Variants in CHMP7 observed in about 807,000 individuals in gnomAD.
The protein encoded by CHMP7 is CHMP family, member 7.
CHMP7 carries 15 observed loss-of-function variants against 53.7 expected under a neutral mutation model. The observed-to-expected ratio is 0.28, with a 90% confidence interval of 0.19 to 0.43. The LOEUF (loss-of-function observed/expected upper bound fraction) is 0.43. Among genes scored for constraint, CHMP7 ranks in the 20% least tolerant of loss-of-function variants. The probability of loss-of-function intolerance (pLI) is 1.00; values close to 1 mark genes in which losing one functional copy is unlikely to be tolerated. For synonymous variants in CHMP7, 261 were observed against 228.0 expected, an observed-to-expected ratio of 1.14 and a Z score of -1.30; for missense variants, 527 against 569.4, an observed-to-expected ratio of 0.93 and a Z score of 0.76.
At chr8:23,260,110 GT>G in intron 9 of CHMP7, 33 bp from the exon 10 acceptor site, 1 of 1,573,306 alleles carries the variant, frequency 6.4e-7, no homozygotes, top group Non-Finnish European at 8.7e-7. Flanking sequence ...TCTCCCTTGA[GT>G]TTATGCATCT....
In CHMP7 at chr8:23,260,608, AGTGAAGGACCCTCAT is replaced by A. The variant is rs1802348296; in HGVS notation, c.*12_*26del. The A allele has an allele frequency of 6.2e-7, 1 of 1,610,040 alleles. No homozygotes were observed. The highest frequency in any genetic ancestry group is 2.2e-5 in the East Asian group (1 of 44,868). On this transcript the variant is annotated 3_prime_UTR_variant, in exon 11 of 11. Coordinates refer to ENST00000397677, the MANE Select transcript of CHMP7 (RefSeq NM_152272.5). ...CTCTAAAGCCATTGTAGGACCCTCA[AGTGAAGGACCCTCAT>A]GTAAAAGAGAGACCAGGCTTGCTGG... is the stretch of plus-strand genomic sequence containing the variant.
Position 23,249,373 on chromosome 8 carries a change from C to T in CHMP7, c.463C>T (p.Leu155=), listed in dbSNP as rs746336236. 6.2e-7 allele frequency: 1 copy of T among 1,600,570 alleles called. No homozygotes were observed. Among genetic ancestry groups the T allele is most frequent in the African/African-American group, 1.3e-5 (1 of 74,446 alleles). ...TGAGGAGGTCCTTGTCGCTGTGGAG[C>T]TGTTGAAGGTGGGTACTCAGAAGGG... ...PAEEVLVAVE[L]LKEKAEEVYR... The change falls in exon 3 of 11, where the codon CTG becomes TTG. Residue 155 remains leucine, a synonymous_variant. Transcript: ENST00000397677.
At position 23,258,453 on chromosome 8, in the gene CHMP7, G is replaced by A. The variant is rs1217948518; in HGVS notation, c.960+4G>A. On this transcript the variant is annotated splice_donor_region_variant and intron_variant, in intron 7 of 10. Transcript: ENST00000397677. Reference sequence around the variant, plus strand: ...TGCCTCCCAGACAGATCAGATGGTAGTCACTCCCCTCTACTCCAGCACTTG... The same window carrying A: ...TGCCTCCCAGACAGATCAGATGGTAATCACTCCCCTCTACTCCAGCACTTG... The A allele has an allele frequency of 6.2e-7, 1 of 1,614,038 alleles. No individual in the cohort carries two copies. The highest frequency in any genetic ancestry group is 1.1e-5 in the South Asian group (1 of 91,074).
At chr8:23,252,916 G>A (rs143669903) in intron 3 of CHMP7, among the ~76,000 whole-genome samples, 3 of 152,282 alleles carry the variant, frequency 2.0e-5, no homozygotes, top group African/African-American at 7.2e-5. Context: ...TGCATATCTG[G>A]TAGGGCAGTC....
Position 23,246,437 on chromosome 8 carries a change from CA to C in CHMP7, c.-258del. 1 of 527,710 alleles carries C rather than the reference CA, an allele frequency of 1.9e-6. No individual in the cohort carries two copies. The allele number at this position is 527,710 out of a possible 1,614,324, so 32.7% of individuals were successfully genotyped here. On this transcript the variant is annotated 5_prime_UTR_variant, in exon 2 of 11. Transcript: ENST00000397677. Reference sequence around the variant, plus strand: ...GCGCAGGCGCAAGCCTTTCTTTCGGCACAAAGACCGTGGGAGGAGGGGTCGG... The same window carrying C: ...GCGCAGGCGCAAGCCTTTCTTTCGGCCAAAGACCGTGGGAGGAGGGGTCGG...
intron 1 of CHMP7, among the ~76,000 whole-genome samples, chr8:23,244,529 T>C (rs1322412169): frequency 6.6e-6 from 1 of 152,254 alleles, no homozygotes; most frequent in Admixed American, 6.5e-5. Context: ...AATACCACAC[T>C]ATCTTGATTA....
chr8:23,258,292 G>A (rs747162552), intron 6 of CHMP7, 38 bp from the exon 7 acceptor site: 1 of 1,613,482 alleles, frequency 6.2e-7, no homozygotes, highest in Non-Finnish European at 8.5e-7. Context: ...CCTTTGGCTC[G>A]CCCAGTTCAG....
chr8:23,260,635 A>ACATAG lies in CHMP7; in HGVS notation c.*37_*38insATAGC, dbSNP rs746865475. ...TGAAGGACCCTCATGTAAAAGAGAG[A>ACATAG]CCAGGCTTGCTGGGTGTGTACATAG... On this transcript the variant is annotated 3_prime_UTR_variant, in exon 11 of 11. Transcript: ENST00000397677. The ACATAG allele has an allele frequency of 2.0e-6, 3 of 1,525,800 alleles. No homozygotes were observed. The highest frequency in any genetic ancestry group is 2.2e-5 in the South Asian group (2 of 89,384). The allele number at this position is 1,525,800 out of a possible 1,614,324, so 94.5% of individuals were successfully genotyped here.
intron 5 of CHMP7, among the ~76,000 whole-genome samples, chr8:23,257,139 C>T (rs1049442338): frequency 6.7e-6 from 1 of 148,990 alleles, no homozygotes; most frequent in Non-Finnish European, 1.5e-5. Flanking sequence ...TGCACTGTCC[C>T]CTAGGCTGGA....
Position 23,255,313 on chromosome 8 carries a change from C to T in CHMP7, c.538C>T (p.Leu180=), listed in dbSNP as rs770633533. Residue 180 remains leucine (L), a synonymous_variant, in exon 4 of 11, where the codon CTG becomes TTG. Transcript: ENST00000397677. ...CCTCTCCTCCCACCCCGTGGTGGCC[C>T]TGTCAGAGCTCAGCACCCTCTGTGC... The part of the protein sequence containing the change: ...SPLSSHPVVA[L]SELSTLCANS... The T allele has an allele frequency of 6.2e-7, 1 of 1,614,202 alleles. No individual in the cohort carries two copies. The highest frequency in any genetic ancestry group is 8.5e-7 in the Non-Finnish European group (1 of 1,180,040).
At chr8:23,259,157 TATTC>T (rs772913605) in intron 9 of CHMP7, 31 bp downstream of exon 9, 5 of 1,152,006 alleles carry the variant, frequency 4.3e-6, no homozygotes, top group Non-Finnish European at 5.0e-6. Flanking sequence ...TTTTTATTTT[TATTC>T]ATTTTTTTTT....
In CHMP7 at chr8:23,260,163, G is replaced by A; in HGVS notation, c.1140G>A (p.Leu380=). The change falls in exon 10 of 11, where the codon CTG becomes CTA. Residue 380 remains leucine (L), a synonymous_variant. Coordinates refer to ENST00000397677, the MANE Select transcript of CHMP7 (RefSeq NM_152272.5). Reference sequence around the variant, plus strand: ...TTCCAGATTTTGACAGTGAAGAACTGGAGAAGGAATTGGACATCCTCCTTC... The same window carrying A: ...TTCCAGATTTTGACAGTGAAGAACTAGAGAAGGAATTGGACATCCTCCTTC... ...TNGLDFDSEE[L]EKELDILLQD... 6.2e-7 allele frequency: 1 copy of A among 1,614,052 alleles called. No homozygotes were observed. The highest frequency in any genetic ancestry group is 1.7e-5 in the Admixed American group (1 of 60,018).
intron 4 of CHMP7, 60 bp downstream of exon 4, chr8:23,255,492 A>T: frequency 6.6e-7 from 1 of 1,517,034 alleles, no homozygotes; most frequent in Middle Eastern, 1.7e-4. Context: ...TACATAGAGT[A>T]GTGAGCCCTT....
intron 9 of CHMP7, chr8:23,259,816 C>T (rs1802308217): frequency 4.3e-6 from 1 of 233,734 alleles, no homozygotes; most frequent in South Asian, 8.0e-5. Flanking sequence ...GCCATTTCCT[C>T]CTCGACAGCT....
rs113260469 is a variant in CHMP7 at position 23,258,211 on chromosome 8, C to T, written c.841-119C>T. 2.2e-4 allele frequency: 329 copies of T among 1,497,336 alleles called. 2 individuals carry two copies. The African/African-American group carries it at 4.2e-3, about 19-fold the overall frequency. The allele number at this position is 1,497,336 out of a possible 1,614,324, so 92.8% of individuals were successfully genotyped here. The stretch of plus-strand genomic sequence containing the variant: ...TCTGCAGGGGGCCCAGGCACCACAG[C>T]TTATTTTACAGATGGGAGGGAAGAA... On this transcript the variant is annotated intron_variant, in intron 6 of 10. Coordinates refer to ENST00000397677, the MANE Select transcript of CHMP7 (RefSeq NM_152272.5).
intron 3 of CHMP7, among the ~76,000 whole-genome samples, chr8:23,254,560 A>AT (rs57587219): frequency 0.53 from 77,839 of 145,938 alleles, 22,747 homozygotes; most frequent in Middle Eastern, 0.71. Flanking sequence ...ACATCCAGCT[A>AT]TTTTTTTTTT....
At chr8:23,245,775 G>T (rs574413142) in intron 1 of CHMP7, among the ~76,000 whole-genome samples, 22 of 152,280 alleles carry the variant, frequency 1.4e-4, no homozygotes, top group Admixed American at 1.3e-3. Context: ...TGTGGATGTT[G>T]TTAATTATTG....
chr8:23,252,209 T>TTTTA (rs1801959840), intron 3 of CHMP7, among the ~76,000 whole-genome samples: 1 of 148,874 alleles, frequency 6.7e-6, no homozygotes, highest in South Asian at 2.1e-4. Context: ...TTTTTTTTTT[T>TTTTA]GAGATGGAGT....
Position 23,249,081 on chromosome 8 carries a change from C to T in CHMP7, c.300-129C>T, listed in dbSNP as rs187300873. On this transcript the variant is annotated intron_variant, in intron 2 of 10. Transcript: ENST00000397677. ...ACAATGCTGCGTGTCGTTGGCACAG[C>T]GTAGGTGCTTAACAAATGGTCGTGA... 8.6e-6 allele frequency: 6 copies of T among 698,758 alleles called. No individual in the cohort carries two copies. The South Asian group carries it at 9.4e-5, about 11-fold the overall frequency. The allele number at this position is 698,758 out of a possible 1,614,324, so 43.3% of individuals were successfully genotyped here.
Sources: allele counts gnomAD v4.1 joint callset (sites outside exome capture counted in the v4.1 genomes callset), GRCh38; gene constraint gnomAD v4.1.1; transcripts MANE v1.5; gene names NCBI Gene and HGNC (gene_info 2026-07-23, HGNC 2026-07-21).